SLC41A2: variants seen among roughly 807,000 people sequenced by gnomAD.
SLC41A2 encodes SLC41A1-like 1.
SLC41A2 carries 32 observed loss-of-function variants against 58.3 expected under a neutral mutation model. The observed-to-expected ratio is 0.55, with a 90% CI of 0.41 to 0.74. The LOEUF is 0.74. Ranked by LOEUF, SLC41A2 falls within the 30% of genes least tolerant of loss-of-function variation. The probability of loss-of-function intolerance (pLI) is 0.00; values close to 1 mark genes in which losing one functional copy is unlikely to be tolerated. For synonymous variants in SLC41A2, 190 were observed against 235.0 expected, an observed-to-expected ratio of 0.81 and a Z score of 1.75; for missense variants, 514 against 680.6, an observed-to-expected ratio of 0.76 and a Z score of 2.72.
intron 10 of SLC41A2, among the ~76,000 whole-genome samples, chr12:104,824,225 C>A (rs192843450): frequency 2.6e-5 from 4 of 152,078 alleles, no homozygotes; most frequent in African/African-American, 9.7e-5. Context: ...TGGCCTGCCA[C>A]GCCCCCATCT....
At chr12:104,924,249 TAA>T (rs2046734830) in intron 2 of SLC41A2, among the ~76,000 whole-genome samples, 1 of 152,140 alleles carries the variant, frequency 6.6e-6, no homozygotes, top group South Asian at 2.1e-4. Flanking sequence ...TTTCTAAAAA[TAA>T]AAAGACTACT....
chr12:104,834,475 G>A (rs2042142050), intron 10 of SLC41A2, among the ~76,000 whole-genome samples: 1 of 152,048 alleles, frequency 6.6e-6, no homozygotes, highest in Non-Finnish European at 1.5e-5. Flanking sequence ...CAAGCTGACA[G>A]ACAGAGAAAC....
intron 10 of SLC41A2, among the ~76,000 whole-genome samples, chr12:104,825,750 C>A (rs1041279630): frequency 1.1e-4 from 16 of 152,094 alleles, no homozygotes; most frequent in Middle Eastern, 3.2e-3. Flanking sequence ...AAACCAGGTG[C>A]GAGGGATTCA....
chr12:104,856,072 A>C (rs753602059), intron 8 of SLC41A2, among the ~76,000 whole-genome samples: 1 of 152,224 alleles, frequency 6.6e-6, no homozygotes. Flanking sequence ...CGAGCTGCTG[A>C]TTCAGGCTTA....
At chr12:104,866,375 C>T in intron 7 of SLC41A2, 57 bp downstream of exon 7, 12 of 1,429,900 alleles carry the variant, frequency 8.4e-6, no homozygotes, top group Non-Finnish European at 1.1e-5. Flanking sequence ...CAAAGACAGA[C>T]AGACGTACAC....
chr12:104,855,142 T>C (rs1372392516), intron 8 of SLC41A2, among the ~76,000 whole-genome samples: 2 of 152,222 alleles, frequency 1.3e-5, no homozygotes, highest in Non-Finnish European at 2.9e-5. Flanking sequence ...AATTCTTTTC[T>C]TTTCATTGTC....
chr12:104,897,080 T>C (rs2045321800), intron 3 of SLC41A2, among the ~76,000 whole-genome samples: 1 of 152,074 alleles, frequency 6.6e-6, no homozygotes, highest in African/African-American at 2.4e-5. Context: ...AAATTCCCTA[T>C]TGATTCAATA....
Position 104,803,420 on chromosome 12 carries a change from A to ATAAT in SLC41A2, c.*1728_*1731dup, listed in dbSNP as rs1210905855. 5.3e-5 allele frequency: 8 copies of ATAAT among 152,172 alleles called. No individual in the cohort carries two copies. Among genetic ancestry groups the ATAAT allele is most frequent in the Non-Finnish European group, 8.8e-5 (6 of 68,004 alleles). The allele number at this position is 152,172 out of a possible 1,614,324, so 9.4% of individuals were successfully genotyped here. A position where few individuals can be genotyped will look rare whatever the true frequency, so the allele number is the denominator to read the frequency against. ...TTTTATTATAAGGCAGAAGAATGGA[A>ATAAT]TAATTGAAGTTTAAAAATAAGCAAA... On this transcript the variant is annotated 3_prime_UTR_variant, in exon 11 of 11. Coordinates refer to ENST00000258538, the MANE Select transcript of SLC41A2 (RefSeq NM_001352171.3).
intron 10 of SLC41A2, among the ~76,000 whole-genome samples, chr12:104,824,446 G>A (rs369188315): frequency 3.9e-5 from 6 of 152,122 alleles, no homozygotes; most frequent in South Asian, 2.1e-4. Context: ...CAAGCGGCCC[G>A]ACTCCAGGGG....
At chr12:104,880,763 T>C (rs1266216008) in intron 6 of SLC41A2, among the ~76,000 whole-genome samples, 1 of 152,230 alleles carries the variant, frequency 6.6e-6, no homozygotes, top group Non-Finnish European at 1.5e-5. Context: ...TCAGGGATAT[T>C]GGTCTAAAAT....
At chr12:104,903,851 G>A (rs531141344) in intron 3 of SLC41A2, among the ~76,000 whole-genome samples, 80 of 152,318 alleles carry the variant, frequency 5.3e-4, no homozygotes, top group African/African-American at 1.8e-3. Flanking sequence ...CTGCAGCAGA[G>A]TAGAGACCAC....
chr12:104,866,192 C>T (rs1425313548), intron 7 of SLC41A2, among the ~76,000 whole-genome samples: 3 of 152,104 alleles, frequency 2.0e-5, no homozygotes, highest in African/African-American at 4.8e-5. Flanking sequence ...TTGGTAGCCA[C>T]ATGAGGTTCT....
intron 3 of SLC41A2, among the ~76,000 whole-genome samples, chr12:104,903,532 T>C (rs1238295559): frequency 6.6e-6 from 1 of 152,216 alleles, no homozygotes; most frequent in Non-Finnish European, 1.5e-5. Flanking sequence ...GTTTCTAATT[T>C]AGTAGTTTTG....
At chr12:104,887,362 GC>G (rs1163160978) in intron 5 of SLC41A2, among the ~76,000 whole-genome samples, 1 of 151,770 alleles carries the variant, frequency 6.6e-6, no homozygotes, top group African/African-American at 2.4e-5. Flanking sequence ...GTAGAGTAGG[GC>G]TTAAATTCTT....
chr12:104,841,503 T>C (rs955435975), intron 10 of SLC41A2, among the ~76,000 whole-genome samples: 4 of 152,044 alleles, frequency 2.6e-5, no homozygotes, highest in African/African-American at 9.7e-5. Context: ...ACAAAGATCC[T>C]ATTTCTAGAA....
At chr12:104,816,737 C>A (rs917460135) in intron 10 of SLC41A2, among the ~76,000 whole-genome samples, 1 of 152,174 alleles carries the variant, frequency 6.6e-6, no homozygotes, top group African/African-American at 2.4e-5. Context: ...AAATTTACAA[C>A]CACAATGTGA....
At chr12:104,828,056 G>A (rs749411023) in intron 10 of SLC41A2, among the ~76,000 whole-genome samples, 6 of 152,088 alleles carry the variant, frequency 3.9e-5, no homozygotes, top group Non-Finnish European at 8.8e-5. Context: ...TGCCTGCCAA[G>A]CCCCATCCTG....
intron 1 of SLC41A2, among the ~76,000 whole-genome samples, chr12:104,947,138 T>C (rs966249583): frequency 2.0e-5 from 3 of 150,502 alleles, no homozygotes; most frequent in Non-Finnish European, 3.0e-5. Flanking sequence ...TACTATGTCA[T>C]ACAATCACAA....
chr12:104,817,452 ATTT>A (rs1240756024), intron 10 of SLC41A2, among the ~76,000 whole-genome samples: 2 of 152,256 alleles, frequency 1.3e-5, no homozygotes, highest in East Asian at 3.9e-4. Context: ...TACTTTATAA[ATTT>A]TTTAATTGTT....
Sources: allele counts gnomAD v4.1 joint callset (sites outside exome capture counted in the v4.1 genomes callset), GRCh38; gene constraint gnomAD v4.1.1; transcripts MANE v1.5; gene names NCBI Gene and HGNC (gene_info 2026-07-23, HGNC 2026-07-21).